Variants in STARD13 observed in about 807,000 individuals in gnomAD.
STARD13 encodes StAR related lipid transfer domain containing 13.
In STARD13, 62 loss-of-function variants were observed where a neutral mutation model predicts 106.4. That is an observed-to-expected ratio of 0.58 (90% CI 0.48 to 0.72). The LOEUF is 0.72. Ranked by LOEUF, STARD13 falls within the 30% of genes least tolerant of loss-of-function variation. The probability of loss-of-function intolerance (pLI) is 0.00; values close to 1 mark genes in which losing one functional copy is unlikely to be tolerated. For missense variants in STARD13, 1,387 were observed against 1,424.0 expected (o/e 0.97, Z 0.42); for synonymous variants, 565 against 553.0 (o/e 1.02, Z -0.31).
the STARD13 span, among the ~76,000 whole-genome samples, chr13:33,566,492 A>G: frequency 6.8e-6 from 1 of 147,904 alleles, no homozygotes; most frequent in Non-Finnish European, 1.5e-5. Flanking sequence ...CTTCTAGCAT[A>G]GTTTTTGGCA....
chr13:33,172,878 C>A (rs976890984), intron 1 of STARD13, among the ~76,000 whole-genome samples: 1 of 152,122 alleles, frequency 6.6e-6, no homozygotes, highest in African/African-American at 2.4e-5. Context: ...TCCTACAAAT[C>A]TCCTTGAATT....
At chr13:33,469,943 C>T in the STARD13 span, among the ~76,000 whole-genome samples, 1 of 152,044 alleles carries the variant, frequency 6.6e-6, no homozygotes, top group Non-Finnish European at 1.5e-5. Context: ...GTTTGGGGTA[C>T]ATGTGCAAAA....
chr13:33,177,797 AAGGAAAGGAAGG>A lies in STARD13; in HGVS notation c.170-10187_170-10176del, dbSNP rs1212066910. On this transcript the variant is annotated intron_variant, in intron 1 of 13. Coordinates refer to ENST00000336934, the MANE Select transcript of STARD13 (RefSeq NM_178006.4). ...GAAGGAAGGAAGGAAGGAAGGAAGG[AAGGAAAGGAAGG>A]AAGGAAGGAAGGAAGGAAGGAAGGA... Among the ~76,000 whole-genome samples, 24 of 29,988 alleles carry A rather than the reference AAGGAAAGGAAGG, an allele frequency of 8.0e-4. 1 individual carries two copies. The highest frequency in any genetic ancestry group is 2.6e-3 in the African/African-American group (17 of 6,618). 19.7% of individuals were successfully genotyped at this position (29,988 alleles called of 152,430 possible).
chr13:33,546,607 C>T, the STARD13 span, among the ~76,000 whole-genome samples: 1 of 151,890 alleles, frequency 6.6e-6, no homozygotes, highest in African/African-American at 2.4e-5. Context: ...ACCATGCTCC[C>T]TTGTGATGAG....
the STARD13 span, among the ~76,000 whole-genome samples, chr13:33,440,538 C>T: frequency 0.01 from 1,549 of 151,500 alleles, 27 homozygotes; most frequent in African/African-American, 0.035. Context: ...CTGCTTGTTC[C>T]GTATCATTTT....
At chr13:33,564,988 C>CAAAAAAAA in the STARD13 span, among the ~76,000 whole-genome samples, 5 of 47,080 alleles carry the variant, frequency 1.1e-4, no homozygotes, top group Non-Finnish European at 1.3e-4. Flanking sequence ...GACTCTGTCT[C>CAAAAAAAA]AAAAAAAAAA....
At chr13:33,500,204 C>T in the STARD13 span, among the ~76,000 whole-genome samples, 1 of 152,142 alleles carries the variant, frequency 6.6e-6, no homozygotes, top group Non-Finnish European at 1.5e-5. Flanking sequence ...CACGAACACT[C>T]AGTCCATAAC....
the STARD13 span, among the ~76,000 whole-genome samples, chr13:33,458,133 T>C: frequency 1.3e-5 from 2 of 152,158 alleles, no homozygotes; most frequent in East Asian, 3.8e-4. Context: ...AGTAATTATA[T>C]AAAAACAAAA....
intron 1 of STARD13, among the ~76,000 whole-genome samples, chr13:33,283,995 C>T (rs964639067): frequency 6.6e-6 from 1 of 152,092 alleles, no homozygotes; most frequent in Admixed American, 6.5e-5. Flanking sequence ...TAGATGATAG[C>T]GCATCATTAA....
At chr13:33,597,344 C>G in the STARD13 span, among the ~76,000 whole-genome samples, 4 of 150,834 alleles carry the variant, frequency 2.7e-5, no homozygotes, top group Non-Finnish European at 5.9e-5. Flanking sequence ...TGAGAAATGT[C>G]TATTCAAATC....
chr13:33,247,918 G>A (rs1889910010), intron 1 of STARD13, among the ~76,000 whole-genome samples: 1 of 152,146 alleles, frequency 6.6e-6, no homozygotes, highest in Non-Finnish European at 1.5e-5. Flanking sequence ...GTGCTAACAA[G>A]GTTGGGGACC....
At chr13:33,258,659 C>T (rs995259780) in intron 1 of STARD13, among the ~76,000 whole-genome samples, 1 of 152,196 alleles carries the variant, frequency 6.6e-6, no homozygotes, top group Admixed American at 6.5e-5. Context: ...TTTTCTTACA[C>T]AAGGACTTAA....
the STARD13 span, among the ~76,000 whole-genome samples, chr13:33,604,590 A>T: frequency 1.3e-5 from 2 of 152,090 alleles, no homozygotes; most frequent in Non-Finnish European, 2.9e-5. Context: ...TGAGGTCAGG[A>T]GTTTGAGACC....
At chr13:33,258,287 A>AT (rs1238495471) in intron 1 of STARD13, among the ~76,000 whole-genome samples, 1 of 152,212 alleles carries the variant, frequency 6.6e-6, no homozygotes, top group East Asian at 1.9e-4. Flanking sequence ...ATTGGAGTGA[A>AT]TGCTTCCATA....
At chr13:33,324,275 C>G (rs748716194) in intron 1 of STARD13, among the ~76,000 whole-genome samples, 1 of 152,080 alleles carries the variant, frequency 6.6e-6, no homozygotes, top group Non-Finnish European at 1.5e-5. Context: ...GGGGTGTGAA[C>G]GGTGCAGACT....
intron 1 of STARD13, among the ~76,000 whole-genome samples, chr13:33,261,061 C>T (rs951753106): frequency 5.9e-5 from 9 of 152,178 alleles, no homozygotes; most frequent in African/African-American, 2.2e-4. Context: ...CTCTGGTACA[C>T]AGAAGACATT....
At chr13:33,219,518 CAAAAAAAAAAAA>C (rs55933962) in intron 1 of STARD13, among the ~76,000 whole-genome samples, 14 of 61,212 alleles carry the variant, frequency 2.3e-4, no homozygotes, top group African/African-American at 6.6e-4. Flanking sequence ...GACTCCTTCT[CAAAAAAAAAAAA>C]AAAAAAAAAA....
chr13:33,113,991 T>A (rs1469863698), intron 8 of STARD13, among the ~76,000 whole-genome samples: 1 of 152,178 alleles, frequency 6.6e-6, no homozygotes, highest in Non-Finnish European at 1.5e-5. Flanking sequence ...CACGAGGGTG[T>A]CTGAATTCTC....
At chr13:33,390,850 A>C in the STARD13 span, among the ~76,000 whole-genome samples, 2 of 152,114 alleles carry the variant, frequency 1.3e-5, no homozygotes, top group African/African-American at 4.8e-5. Context: ...CATCGTTAAA[A>C]ATCTCTGTGT....
Sources: gnomAD v4.1 joint callset for allele counts (sites outside exome capture counted in the v4.1 genomes callset) on GRCh38, gnomAD v4.1.1 for gene constraint, MANE v1.5 for transcripts, NCBI Gene and HGNC (gene_info 2026-07-23, HGNC 2026-07-21) for gene names.